Variants in ANKS1B observed in about 807,000 individuals in gnomAD.
The protein encoded by ANKS1B is ankyrin repeat and sterile alpha motif domain containing 1B.
Under a neutral mutation model 148.3 loss-of-function variants are expected in ANKS1B, and 36 were observed. That is an observed-to-expected ratio of 0.24 (90% CI 0.19 to 0.32). The LOEUF is 0.32. Among genes scored for constraint, ANKS1B ranks in the 10% least tolerant of loss-of-function variants. The pLI, the probability that ANKS1B is intolerant of heterozygous loss-of-function variation, is 1.00. For synonymous variants in ANKS1B, 542 were observed against 560.8 expected (o/e 0.97, Z 0.47); for missense variants, 1,157 against 1,542.6 (o/e 0.75, Z 4.19).
intron 8 of ANKS1B, among the ~76,000 whole-genome samples, chr12:99,714,816 T>G (rs1287272039): frequency 1.3e-5 from 2 of 151,978 alleles, no homozygotes; most frequent in African/African-American, 4.8e-5. Flanking sequence ...GTCATACATC[T>G]CATTTTAAAT....
chr12:99,604,284 T>C (rs555085916), intron 9 of ANKS1B, among the ~76,000 whole-genome samples: 1 of 152,176 alleles, frequency 6.6e-6, no homozygotes, highest in South Asian at 2.1e-4. Context: ...ATAACATCCA[T>C]AGATATAACT....
At chr12:98,924,950 T>G (rs969194796) in intron 17 of ANKS1B, among the ~76,000 whole-genome samples, 1 of 152,194 alleles carries the variant, frequency 6.6e-6, no homozygotes, top group Non-Finnish European at 1.5e-5. Flanking sequence ...CTGAGCCTTC[T>G]CCAAAAAATT....
intron 12 of ANKS1B, among the ~76,000 whole-genome samples, chr12:99,287,513 C>T (rs1018386246): frequency 2.0e-5 from 3 of 152,056 alleles, no homozygotes; most frequent in African/African-American, 7.2e-5. Context: ...AATGAACACC[C>T]ACAAGCATTA....
intron 12 of ANKS1B, among the ~76,000 whole-genome samples, chr12:99,319,724 G>A (rs2154030698): frequency 6.6e-6 from 1 of 152,302 alleles, no homozygotes; most frequent in African/African-American, 2.4e-5. Context: ...TCACTATGAT[G>A]TTAGCTGGTT....
intron 12 of ANKS1B, among the ~76,000 whole-genome samples, chr12:99,389,815 C>A (rs1322910715): frequency 6.6e-6 from 1 of 152,076 alleles, no homozygotes; most frequent in African/African-American, 2.4e-5. Flanking sequence ...ATTTTCAACA[C>A]AAAATCTCTC....
intron 8 of ANKS1B, among the ~76,000 whole-genome samples, chr12:99,675,709 G>A (rs961877358): frequency 1.6e-4 from 24 of 151,312 alleles, no homozygotes; most frequent in Admixed American, 1.4e-3. Flanking sequence ...TTTTACTCAA[G>A]GATATTTATC....
intron 19 of ANKS1B, among the ~76,000 whole-genome samples, chr12:98,828,715 T>C (rs548226859): frequency 6.6e-6 from 1 of 152,214 alleles, no homozygotes; most frequent in African/African-American, 2.4e-5. Flanking sequence ...GGTGACAATA[T>C]GAGAAAACGC....
chr12:99,145,483 A>G (rs2153807748), intron 15 of ANKS1B, among the ~76,000 whole-genome samples: 1 of 152,198 alleles, frequency 6.6e-6, no homozygotes, highest in East Asian at 1.9e-4. Flanking sequence ...TTCCTTGATT[A>G]GCAATCGCGA....
At chr12:99,503,384 T>C (rs560761692) in intron 10 of ANKS1B, among the ~76,000 whole-genome samples, 37 of 152,338 alleles carry the variant, frequency 2.4e-4, no homozygotes, top group Middle Eastern at 3.4e-3. Context: ...TCTATATTCA[T>C]AACCATGCTG....
chr12:99,326,071 C>A (rs560302300), intron 12 of ANKS1B, among the ~76,000 whole-genome samples: 1 of 152,140 alleles, frequency 6.6e-6, no homozygotes, highest in East Asian at 1.9e-4. Context: ...CATGAGAACT[C>A]ATTCACTATC....
chr12:99,921,867 CT>C (rs900058943), intron 1 of ANKS1B, among the ~76,000 whole-genome samples: 63 of 149,824 alleles, frequency 4.2e-4, no homozygotes, highest in Middle Eastern at 3.4e-3. Context: ...AAAATATAAA[CT>C]TTTTTTTTTA....
In ANKS1B at chr12:99,336,142, T is replaced by G. The variant is rs576178176; in HGVS notation, c.1756+63489A>C. The stretch of plus-strand genomic sequence containing the variant: ...ATAACGTTGAGAGCACCTTTTCTTA[T>G]ACCTCTCTGCCATTTATACGTCTTC... On this transcript the variant is annotated intron_variant, in intron 12 of 26. Transcript: ENST00000683438. 3.3e-5 allele frequency among the ~76,000 whole-genome samples: 5 copies of G among 152,330 alleles called. No individual in the cohort carries two copies. In the South Asian group the frequency reaches 1.0e-3, roughly 32 times the overall value.
intron 9 of ANKS1B, among the ~76,000 whole-genome samples, chr12:99,574,084 T>A (rs1238507587): frequency 6.6e-6 from 1 of 152,058 alleles, no homozygotes; most frequent in Non-Finnish European, 1.5e-5. Flanking sequence ...ACATCCAGTG[T>A]TTTGTCAGTG....
At chr12:98,945,334 A>G (rs529422609) in intron 17 of ANKS1B, among the ~76,000 whole-genome samples, 52 of 152,012 alleles carry the variant, frequency 3.4e-4, no homozygotes, top group Admixed American at 2.6e-3. Context: ...CATCTCTACA[A>G]AAATACAAAA....
At chr12:99,761,872 A>C (rs1009897369) in intron 8 of ANKS1B, among the ~76,000 whole-genome samples, 2 of 152,110 alleles carry the variant, frequency 1.3e-5, no homozygotes, top group Non-Finnish European at 2.9e-5. Context: ...TCTATATATG[A>C]AGATCATTAT....
At chr12:99,724,959 G>A (rs1476378793) in intron 8 of ANKS1B, among the ~76,000 whole-genome samples, 2 of 152,158 alleles carry the variant, frequency 1.3e-5, no homozygotes, top group Non-Finnish European at 2.9e-5. Context: ...CAAATACTGA[G>A]GGATTTCATC....
chr12:99,584,486 C>A (rs1240066999), intron 9 of ANKS1B, among the ~76,000 whole-genome samples: 1 of 152,042 alleles, frequency 6.6e-6, no homozygotes, highest in African/African-American at 2.4e-5. Flanking sequence ...GTAGTCCCAA[C>A]TACTGGGAGG....
chr12:99,396,463 T>G lies in ANKS1B; in HGVS notation c.1756+3168A>C, dbSNP rs114566041. 6.8e-3 allele frequency among the ~76,000 whole-genome samples: 1,032 copies of G among 152,304 alleles called. 16 individuals carry two copies. Among genetic ancestry groups the G allele is most frequent in the African/African-American group, 0.024 (987 of 41,568 alleles). Reference sequence around the variant, plus strand: ...ACTAAATATCAGTCTATCCTAAAATTGTTTATGTAATGTGGAGGTGATATA... The same window carrying G: ...ACTAAATATCAGTCTATCCTAAAATGGTTTATGTAATGTGGAGGTGATATA... On this transcript the variant is annotated intron_variant, in intron 12 of 26. Transcript: ENST00000683438.
chr12:99,343,236 T>C (rs1466800708), intron 12 of ANKS1B, among the ~76,000 whole-genome samples: 1 of 152,074 alleles, frequency 6.6e-6, no homozygotes, highest in African/African-American at 2.4e-5. Context: ...CCACATTCAA[T>C]GAAGAAAATT....
Sources: gnomAD v4.1 joint callset for allele counts (sites outside exome capture counted in the v4.1 genomes callset) on GRCh38, gnomAD v4.1.1 for gene constraint, MANE v1.5 for transcripts, NCBI Gene and HGNC (gene_info 2026-07-23, HGNC 2026-07-21) for gene names.